HDAC4: variants seen among roughly 807,000 people sequenced by gnomAD.
The protein encoded by HDAC4 is histone deacetylase 4, also known as histone deacetylase A.
A neutral mutation model predicts 135.1 loss-of-function variants in HDAC4; 16 were observed. That is an observed-to-expected ratio of 0.12 (90% CI 0.08 to 0.18). HDAC4 has a LOEUF of 0.18. Among genes scored for constraint, HDAC4 ranks in the 10% least tolerant of loss-of-function variants. HDAC4 has a pLI of 1.00. For synonymous variants in HDAC4, 685 were observed against 653.4 expected (o/e 1.05, Z -0.74); for missense variants, 1,143 against 1,511.8 (o/e 0.76, Z 4.05).
intron 24 of HDAC4, 60 bp from the exon 25 acceptor site, chr2:239,054,893 G>C: frequency 8.7e-7 from 1 of 1,151,564 alleles, no homozygotes; most frequent in South Asian, 1.2e-5. Context: ...TGCGTTAGAC[G>C]GGTGTTCCGA....
At chr2:239,197,844 A>ATGT (rs2045493404) in intron 3 of HDAC4, among the ~76,000 whole-genome samples, 1 of 48,014 alleles carries the variant, frequency 2.1e-5, no homozygotes, top group Non-Finnish European at 4.2e-5. Flanking sequence ...GCTCACTAAA[A>ATGT]GTTTGTGTGT....
chr2:239,294,817 T>C (rs2051758986), intron 2 of HDAC4, among the ~76,000 whole-genome samples: 1 of 152,120 alleles, frequency 6.6e-6, no homozygotes, highest in Admixed American at 6.5e-5. Flanking sequence ...CTCAGGGTCA[T>C]GTGAGCACCA....
At chr2:239,301,385 C>G (rs11124190) in intron 2 of HDAC4, among the ~76,000 whole-genome samples, 25,383 of 152,126 alleles carry the variant, frequency 0.17, 2,476 homozygotes, top group East Asian at 0.31. Flanking sequence ...CAGCAGCCCA[C>G]AGCCAGTGAT....
chr2:239,242,746 A>G (rs912222559), intron 2 of HDAC4, among the ~76,000 whole-genome samples: 8 of 152,216 alleles, frequency 5.3e-5, no homozygotes, highest in Admixed American at 5.2e-4. Context: ...TTTTACTGGA[A>G]AGTGTATTGC....
chr2:239,082,673 A>G (rs1369801649), intron 20 of HDAC4, among the ~76,000 whole-genome samples: 1 of 152,224 alleles, frequency 6.6e-6, no homozygotes, highest in African/African-American at 2.4e-5. Flanking sequence ...GGGAGGTGCC[A>G]ATTCCATGCC....
In HDAC4 at chr2:239,167,295, C is replaced by T. The variant is rs1237045318; in HGVS notation, c.491-3372G>A. Among the ~76,000 whole-genome samples the T allele has an allele frequency of 2.0e-5, 3 of 152,190 alleles. No individual in the cohort carries two copies. Among genetic ancestry groups the T allele is most frequent in the Admixed American group, 6.5e-5 (1 of 15,284 alleles). ...GGAACAGGACCCACTTTATGACCCA[C>T]GTCCTCTCCCTGCTTCTGCAAACAC... On this transcript the variant is annotated intron_variant, in intron 5 of 26. Transcript: ENST00000543185. The surrounding 1 kb of genome is among the most constrained non-coding windows in gnomAD (Gnocchi z 4.1).
intron 3 of HDAC4, among the ~76,000 whole-genome samples, chr2:239,230,368 C>CAAAAAAAAAAAAAAAAAAAAAGAAAA (rs2047474967): frequency 5.0e-5 from 4 of 79,392 alleles, no homozygotes; most frequent in Non-Finnish European, 2.3e-5. Context: ...AGCAAGCAAG[C>CAAAAAAAAAAAAAAAAAAAAAGAAAA]AAAAAAAAAA....
At chr2:239,254,325 C>A (rs1214930486) in intron 2 of HDAC4, among the ~76,000 whole-genome samples, 1 of 151,722 alleles carries the variant, frequency 6.6e-6, no homozygotes, top group Non-Finnish European at 1.5e-5. Flanking sequence ...AACAACCCAC[C>A]ATGTGGGAAT....
chr2:239,270,131 C>T (rs1041770621), intron 2 of HDAC4, among the ~76,000 whole-genome samples: 2 of 152,228 alleles, frequency 1.3e-5, no homozygotes, highest in African/African-American at 2.4e-5. Flanking sequence ...ATGACTCCCA[C>T]GGCAGCAGGT....
At chr2:239,085,217 T>C (rs2035818508) in intron 19 of HDAC4, among the ~76,000 whole-genome samples, 2 of 152,200 alleles carry the variant, frequency 1.3e-5, no homozygotes, top group South Asian at 2.1e-4. Flanking sequence ...TTCATCTCAG[T>C]TGCTTCCTGC....
intron 6 of HDAC4, among the ~76,000 whole-genome samples, chr2:239,161,425 C>T (rs561452940): frequency 1.2e-4 from 19 of 152,264 alleles, no homozygotes; most frequent in South Asian, 8.3e-4. Flanking sequence ...ATCAGTTTTG[C>T]GTCTAGGCTC....
intron 1 of HDAC4, among the ~76,000 whole-genome samples, chr2:239,397,453 A>G (rs930541634): frequency 1.3e-5 from 2 of 152,072 alleles, no homozygotes; most frequent in Admixed American, 1.3e-4. Flanking sequence ...ATCCCCCGAC[A>G]GTGATACAGG....
chr2:239,324,133 G>A (rs1161184827), intron 2 of HDAC4, among the ~76,000 whole-genome samples: 2 of 152,152 alleles, frequency 1.3e-5, no homozygotes, highest in African/African-American at 4.8e-5. Flanking sequence ...AGTAACTAAC[G>A]CACATAAATA....
intron 1 of HDAC4, among the ~76,000 whole-genome samples, chr2:239,382,356 T>C (rs1249939102): frequency 6.6e-6 from 1 of 152,274 alleles, no homozygotes; most frequent in Non-Finnish European, 1.5e-5. Flanking sequence ...AAATCATTAG[T>C]ATTTTTCCCA....
chr2:239,376,409 A>G (rs1379282693), intron 1 of HDAC4, among the ~76,000 whole-genome samples: 1 of 152,078 alleles, frequency 6.6e-6, no homozygotes, highest in South Asian at 2.1e-4. Context: ...TGTGCTCACA[A>G]CCCTCCTGAT....
chr2:239,074,570 G>A (rs1420698498), intron 22 of HDAC4, among the ~76,000 whole-genome samples: 2 of 152,246 alleles, frequency 1.3e-5, no homozygotes, highest in African/African-American at 4.8e-5. Flanking sequence ...GAGGCTGCGT[G>A]GGGCACAGTC....
chr2:239,092,857 T>G (rs563067175), intron 17 of HDAC4, among the ~76,000 whole-genome samples: 90 of 152,294 alleles, frequency 5.9e-4, no homozygotes, highest in African/African-American at 2.0e-3. Flanking sequence ...TTCTTTTTTT[T>G]TTTGTTTTCT....
intron 12 of HDAC4, among the ~76,000 whole-genome samples, chr2:239,116,431 C>T (rs757811818): frequency 1.1e-4 from 17 of 152,370 alleles, no homozygotes; most frequent in African/African-American, 3.8e-4. Context: ...CAATTCTGTC[C>T]GCCAAGCACT....
At position 239,071,329 on chromosome 2, in the gene HDAC4, C is replaced by T. The variant is rs965677888; in HGVS notation, c.2751-2722G>A. 9.2e-5 allele frequency among the ~76,000 whole-genome samples: 14 copies of T among 152,086 alleles called. 1 individual carries two copies. The highest frequency in any genetic ancestry group is 7.2e-4 in the Admixed American group (11 of 15,274). On this transcript the variant is annotated intron_variant, in intron 22 of 26. Transcript: ENST00000543185. Reference sequence around the variant, plus strand: ...ACTCGGGAGGCTGACGTGAGAGAATCGCTTGAACCCAGGAGGCAGAGGTTG... The same window carrying T: ...ACTCGGGAGGCTGACGTGAGAGAATTGCTTGAACCCAGGAGGCAGAGGTTG...
Sources: gnomAD v4.1 joint callset for allele counts (sites outside exome capture counted in the v4.1 genomes callset) on GRCh38, gnomAD v4.1.1 for gene constraint, Gnocchi (gnomAD v3.1) non-coding constraint, MANE v1.5 for transcripts, NCBI Gene and HGNC (gene_info 2026-07-23, HGNC 2026-07-21) for gene names.